The following NELL1 variants were observed in gnomAD, a reference collection of about 807,000 sequenced individuals.
NELL1 encodes the protein neural EGFL like 1.
Under a neutral mutation model 107.4 loss-of-function variants are expected in NELL1, and 76 were observed. The ratio of observed to expected loss-of-function variants is 0.71; its 90% confidence interval spans 0.59 to 0.86. The LOEUF is 0.86. Among genes scored for constraint, NELL1 ranks in the 40% least tolerant of loss-of-function variants. The pLI is 0.00. For missense variants in NELL1, 1,024 were observed against 1,005.5 expected (o/e 1.02, Z -0.25); for synonymous variants, 353 against 341.2 (o/e 1.03, Z -0.38).
intron 12 of NELL1, among the ~76,000 whole-genome samples, chr11:21,015,110 T>C (rs1411717638): frequency 6.6e-6 from 1 of 152,134 alleles, no homozygotes; most frequent in Non-Finnish European, 1.5e-5. Flanking sequence ...ACACGTCTTC[T>C]TTCTGTTTTC....
chr11:21,190,862 A>G (rs1159383600), intron 13 of NELL1, among the ~76,000 whole-genome samples: 1 of 151,846 alleles, frequency 6.6e-6, no homozygotes, highest in East Asian at 1.9e-4. Flanking sequence ...ATGTTGCCTC[A>G]GTTTATTCAG....
At chr11:20,764,196 A>G (rs1159185342) in intron 2 of NELL1, among the ~76,000 whole-genome samples, 1 of 152,230 alleles carries the variant, frequency 6.6e-6, no homozygotes, top group Non-Finnish European at 1.5e-5. Context: ...GCAAACTGAA[A>G]TGCTATATCC....
intron 12 of NELL1, among the ~76,000 whole-genome samples, chr11:21,028,885 G>T (rs1164713991): frequency 6.6e-6 from 1 of 151,910 alleles, no homozygotes; most frequent in African/African-American, 2.4e-5. Context: ...TTTGTATATT[G>T]CCCTTAAAAG....
At chr11:21,455,621 C>T (rs1039280894) in intron 15 of NELL1, among the ~76,000 whole-genome samples, 2 of 152,114 alleles carry the variant, frequency 1.3e-5, no homozygotes, top group Non-Finnish European at 2.9e-5. Context: ...GCGAGGACAA[C>T]CATGCCCAGC....
rs1472907874 is a variant in NELL1 at position 21,011,434 on chromosome 11, T to C, written c.1300+50874T>C. ...AGAGGAAGAAATTATAATTCTGGCATGACAAAGATCAGTAACAAATACTGT... is the reference window on the plus strand; with the variant it reads ...AGAGGAAGAAATTATAATTCTGGCACGACAAAGATCAGTAACAAATACTGT... On this transcript the variant is annotated intron_variant, in intron 12 of 19. Coordinates refer to ENST00000357134, the MANE Select transcript of NELL1 (RefSeq NM_006157.5). Among the ~76,000 whole-genome samples, 4 of 152,278 alleles carry C rather than the reference T, an allele frequency of 2.6e-5. No individual in the cohort carries two copies. In the East Asian group the frequency reaches 7.7e-4, roughly 29 times the overall value.
At chr11:21,001,514 A>G (rs1214324325) in intron 12 of NELL1, among the ~76,000 whole-genome samples, 1 of 151,642 alleles carries the variant, frequency 6.6e-6, no homozygotes, top group Non-Finnish European at 1.5e-5. Context: ...AATGGAAAGG[A>G]TCTGCACCCC....
chr11:20,826,943 C>T (rs1285328905), intron 3 of NELL1, among the ~76,000 whole-genome samples: 3 of 151,160 alleles, frequency 2.0e-5, no homozygotes, highest in Non-Finnish European at 1.5e-5. Flanking sequence ...TTTCGATATG[C>T]GATAACACAT....
At chr11:20,686,469 C>A (rs182529334) in intron 2 of NELL1, among the ~76,000 whole-genome samples, 4 of 152,168 alleles carry the variant, frequency 2.6e-5, no homozygotes, top group African/African-American at 9.6e-5. Context: ...AAGAATGATT[C>A]GTGAATCAGG....
chr11:21,266,373 A>G (rs1202609770), intron 14 of NELL1, among the ~76,000 whole-genome samples: 1 of 152,038 alleles, frequency 6.6e-6, no homozygotes, highest in African/African-American at 2.4e-5. Context: ...ATAAGCTCCA[A>G]AAGATATCAG....
At chr11:21,270,320 A>T (rs1159847286) in intron 14 of NELL1, among the ~76,000 whole-genome samples, 2 of 152,106 alleles carry the variant, frequency 1.3e-5, no homozygotes, top group African/African-American at 4.8e-5. Context: ...AAATATACAG[A>T]TTAAAAGCAA....
intron 13 of NELL1, among the ~76,000 whole-genome samples, chr11:21,166,949 G>C (rs573548608): frequency 3.3e-5 from 5 of 151,908 alleles, no homozygotes; most frequent in Admixed American, 3.3e-4. Context: ...AGCTTTCTTT[G>C]TTCGTAGGAT....
At chr11:20,901,762 C>T (rs1449436515) in intron 5 of NELL1, among the ~76,000 whole-genome samples, 1 of 152,050 alleles carries the variant, frequency 6.6e-6, no homozygotes, top group Non-Finnish European at 1.5e-5. Flanking sequence ...ACCAAGAGAT[C>T]AGAATGGAGA....
At chr11:21,305,721 C>T (rs1351596772) in intron 14 of NELL1, among the ~76,000 whole-genome samples, 1 of 151,600 alleles carries the variant, frequency 6.6e-6, no homozygotes, top group Non-Finnish European at 1.5e-5. Flanking sequence ...CATATCTAGA[C>T]AGTATAGATT....
rs1280718510 is a variant in NELL1 at position 20,952,522 on chromosome 11, T to C, written c.1171+5087T>C. 2.6e-5 allele frequency among the ~76,000 whole-genome samples: 4 copies of C among 152,248 alleles called. No homozygotes were observed. In the South Asian group the frequency reaches 8.3e-4, roughly 32 times the overall value. The stretch of plus-strand genomic sequence containing the variant: ...AGGGAATTTGAGAAGAAAAGAGACC[T>C]GAGAAAAAGGCACTTAATGAGAGTG... On this transcript the variant is annotated intron_variant, in intron 11 of 19. Transcript: ENST00000357134.
chr11:20,964,106 T>C (rs1851343621), intron 12 of NELL1, among the ~76,000 whole-genome samples: 1 of 152,188 alleles, frequency 6.6e-6, no homozygotes, highest in African/African-American at 2.4e-5. Context: ...AGGAGGAGCA[T>C]TCTCCATTTT....
At chr11:21,268,550 A>G (rs545019940) in intron 14 of NELL1, among the ~76,000 whole-genome samples, 5 of 152,202 alleles carry the variant, frequency 3.3e-5, no homozygotes, top group African/African-American at 1.2e-4. Flanking sequence ...GCCCACTCTA[A>G]CCAACCTGTC....
At chr11:20,689,855 C>T (rs1038338693) in intron 2 of NELL1, among the ~76,000 whole-genome samples, 13 of 151,308 alleles carry the variant, frequency 8.6e-5, no homozygotes, top group East Asian at 5.8e-4. Context: ...CCTGAGGAAT[C>T]GCCACACTGA....
At chr11:21,559,230 T>C (rs997745312) in intron 16 of NELL1, among the ~76,000 whole-genome samples, 4 of 152,158 alleles carry the variant, frequency 2.6e-5, no homozygotes, top group Admixed American at 1.3e-4. Context: ...TAGACACTTA[T>C]TCAATGGCCT....
chr11:20,927,387 A>C lies in NELL1; in HGVS notation c.839A>C (p.Tyr280Ser). 1 of 1,613,408 alleles carries C rather than the reference A, an allele frequency of 6.2e-7. No individual in the cohort carries two copies. The highest frequency in any genetic ancestry group is 8.5e-7 in the Non-Finnish European group (1 of 1,179,716). ...EKTCQVSGLLYRDQDSWVDGD... is the reference protein window; with the variant it reads ...EKTCQVSGLLSRDQDSWVDGD... Reference sequence around the variant, plus strand: ...ACTTGTCAAGTGAGTGGACTGCTCTATCGAGATCAAGACTCTTGGGTAGAT... The same window carrying C: ...ACTTGTCAAGTGAGTGGACTGCTCTCTCGAGATCAAGACTCTTGGGTAGAT... The change falls in exon 8 of 20, where the codon TAT becomes TCT. Residue 280 changes from tyrosine to serine, a missense_variant. By Grantham distance (144) the Tyr-to-Ser change is moderately radical (BLOSUM62 -2). Transcript: ENST00000357134.
Sources: allele counts gnomAD v4.1 joint callset (sites outside exome capture counted in the v4.1 genomes callset), GRCh38; gene constraint gnomAD v4.1.1; transcripts MANE v1.5; gene names NCBI Gene and HGNC (gene_info 2026-07-23, HGNC 2026-07-21).